The following EXOC4 variants were observed in gnomAD, a reference collection of about 807,000 sequenced individuals.
EXOC4 encodes the protein SEC8-like 1.
Under a neutral mutation model 107.2 loss-of-function variants are expected in EXOC4, and 71 were observed. The ratio of observed to expected loss-of-function variants is 0.66; its 90% confidence interval spans 0.55 to 0.81. EXOC4 has a LOEUF of 0.81. Among genes scored for constraint, EXOC4 ranks in the 30% least tolerant of loss-of-function variants. The pLI, the probability that EXOC4 is intolerant of heterozygous loss-of-function variation, is 0.00. For synonymous variants in EXOC4, 456 were observed against 441.2 expected (o/e 1.03, Z -0.42); for missense variants, 1,108 against 1,189.6 (o/e 0.93, Z 1.01).
the EXOC4 span, among the ~76,000 whole-genome samples, chr7:134,072,072 TG>T: frequency 6.6e-6 from 1 of 152,200 alleles, no homozygotes; most frequent in Non-Finnish European, 1.5e-5. Flanking sequence ...ACAGAAATCT[TG>T]GAAACACAAA....
At chr7:133,256,951 T>A (rs999019018) in intron 1 of EXOC4, among the ~76,000 whole-genome samples, 4 of 152,216 alleles carry the variant, frequency 2.6e-5, no homozygotes, top group African/African-American at 9.6e-5. Context: ...AAAATAAAGA[T>A]GAAGTATAGT....
chr7:133,910,585 T>C (rs752814968), intron 12 of EXOC4, among the ~76,000 whole-genome samples: 9 of 152,226 alleles, frequency 5.9e-5, no homozygotes, highest in Admixed American at 1.3e-4. Flanking sequence ...CTTAACTGAC[T>C]TTTTGGTTTT....
intron 9 of EXOC4, among the ~76,000 whole-genome samples, chr7:133,573,144 T>C (rs1349222427): frequency 2.0e-5 from 3 of 152,170 alleles, no homozygotes; most frequent in African/African-American, 7.2e-5. Context: ...TTGTGTATAG[T>C]TAATATGTTT....
intron 10 of EXOC4, among the ~76,000 whole-genome samples, chr7:133,805,550 CTG>C (rs1461599289): frequency 6.6e-6 from 1 of 152,140 alleles, no homozygotes; most frequent in Non-Finnish European, 1.5e-5. Context: ...TAGCAGAATT[CTG>C]TGGACTCAGG....
At chr7:134,005,677 G>A (rs1378951787) in intron 16 of EXOC4, among the ~76,000 whole-genome samples, 2 of 152,080 alleles carry the variant, frequency 1.3e-5, no homozygotes, top group African/African-American at 4.8e-5. Context: ...AATTTTTCAT[G>A]GTGAATTTCA....
At chr7:134,076,712 T>C in the EXOC4 span, among the ~76,000 whole-genome samples, 4 of 150,586 alleles carry the variant, frequency 2.7e-5, no homozygotes, top group East Asian at 1.9e-4. Flanking sequence ...ATTGTATATA[T>C]ATATATATAT....
chr7:133,737,806 A>G (rs935826445), intron 10 of EXOC4, among the ~76,000 whole-genome samples: 1 of 151,880 alleles, frequency 6.6e-6, no homozygotes, highest in African/African-American at 2.4e-5. Flanking sequence ...TGCCATTCAG[A>G]CTTTCAGTTA....
intron 10 of EXOC4, among the ~76,000 whole-genome samples, chr7:133,791,404 G>T (rs888932734): frequency 1.3e-5 from 2 of 152,130 alleles, no homozygotes; most frequent in South Asian, 4.1e-4. Flanking sequence ...GCCTAATTTA[G>T]TTCTGTGTCC....
At chr7:133,358,791 TTC>T in intron 6 of EXOC4, among the ~76,000 whole-genome samples, 1 of 152,056 alleles carries the variant, frequency 6.6e-6, no homozygotes, top group Non-Finnish European at 1.5e-5. Context: ...CTTTTTTTTT[TTC>T]CCCTTGCCTA....
downstream of EXOC4, among the ~76,000 whole-genome samples, chr7:134,069,102 ACT>A (rs1372418484): frequency 4.6e-5 from 7 of 151,458 alleles, no homozygotes; most frequent in South Asian, 1.5e-3. Flanking sequence ...TTTCAGCCTG[ACT>A]CTGTGCACTC....
At chr7:133,419,967 T>C (rs111884563) in intron 7 of EXOC4, among the ~76,000 whole-genome samples, 2,118 of 144,716 alleles carry the variant, frequency 0.015, 18 homozygotes, top group African/African-American at 0.024. Flanking sequence ...GCTTCTTCTT[T>C]TTTTTTTTTT....
At chr7:133,952,367 A>G (rs1042660582) in intron 14 of EXOC4, among the ~76,000 whole-genome samples, 5 of 152,136 alleles carry the variant, frequency 3.3e-5, no homozygotes, top group African/African-American at 1.2e-4. Flanking sequence ...CATCCTCCAC[A>G]GGGGTGACAA....
At chr7:133,447,676 A>G (rs551209722) in intron 7 of EXOC4, among the ~76,000 whole-genome samples, 2 of 152,168 alleles carry the variant, frequency 1.3e-5, no homozygotes, top group Admixed American at 6.5e-5. Context: ...GAGAAAACTT[A>G]TAAAGAAGAT....
At chr7:133,822,392 G>A (rs1481947580) in intron 11 of EXOC4, among the ~76,000 whole-genome samples, 1 of 152,046 alleles carries the variant, frequency 6.6e-6, no homozygotes, top group East Asian at 1.9e-4. Context: ...GAAAAAAAGA[G>A]CGAGGGGACT....
At chr7:133,549,582 T>C (rs1265732792) in intron 9 of EXOC4, among the ~76,000 whole-genome samples, 2 of 152,098 alleles carry the variant, frequency 1.3e-5, no homozygotes, top group Non-Finnish European at 2.9e-5. Flanking sequence ...ATGAAAAAGT[T>C]TGAAATGTTG....
chr7:133,693,054 T>A (rs1324859737), intron 10 of EXOC4, among the ~76,000 whole-genome samples: 1 of 152,204 alleles, frequency 6.6e-6, no homozygotes, highest in Non-Finnish European at 1.5e-5. Flanking sequence ...ATAGGATAGA[T>A]GTATATATGA....
intron 9 of EXOC4, among the ~76,000 whole-genome samples, chr7:133,512,814 G>A (rs1799797812): frequency 6.6e-6 from 1 of 152,118 alleles, no homozygotes; most frequent in African/African-American, 2.4e-5. Flanking sequence ...TCATCTTCAG[G>A]GAGGCAGTTA....
intron 7 of EXOC4, among the ~76,000 whole-genome samples, chr7:133,470,557 A>G (rs1798850135): frequency 6.6e-6 from 1 of 152,158 alleles, no homozygotes; most frequent in Admixed American, 6.5e-5. Context: ...TGGAATATGT[A>G]GACTTCCAAG....
At chr7:133,508,409 C>A (rs1799706717) in intron 9 of EXOC4, among the ~76,000 whole-genome samples, 1 of 152,144 alleles carries the variant, frequency 6.6e-6, no homozygotes, top group Non-Finnish European at 1.5e-5. Context: ...TTGAGAACCA[C>A]TACTCTAAAC....
Sources: gnomAD v4.1 joint callset for allele counts (sites outside exome capture counted in the v4.1 genomes callset) on GRCh38, gnomAD v4.1.1 for gene constraint, MANE v1.5 for transcripts, NCBI Gene and HGNC (gene_info 2026-07-23, HGNC 2026-07-21) for gene names.